ADCY9: variants seen among roughly 807,000 people sequenced by gnomAD.
ADCY9 encodes the protein adenylate cyclase type 9.
Under a neutral mutation model 101.5 loss-of-function variants are expected in ADCY9, and 50 were observed. The observed-to-expected ratio is 0.49, with a 90% CI of 0.39 to 0.62. The LOEUF (loss-of-function observed/expected upper bound fraction) is 0.62, where lower values mean the gene tolerates loss of function less well. Ranked by LOEUF, ADCY9 falls within the 20% of genes least tolerant of loss-of-function variation. The pLI, the probability that ADCY9 is intolerant of heterozygous loss-of-function variation, is 0.00. For missense variants in ADCY9, 1,662 were observed against 1,800.4 expected (o/e 0.92, Z 1.39); for synonymous variants, 905 against 769.3 (o/e 1.18, Z -2.92).
chr16:4,070,750 A>G (rs1162251125), intron 2 of ADCY9, among the ~76,000 whole-genome samples: 1 of 151,712 alleles, frequency 6.6e-6, no homozygotes, highest in Non-Finnish European at 1.5e-5. Flanking sequence ...GTTCCAGACC[A>G]GCCTGAGTAA....
At chr16:3,974,207 A>C (rs1351619110) in intron 10 of ADCY9, among the ~76,000 whole-genome samples, 3 of 152,064 alleles carry the variant, frequency 2.0e-5, no homozygotes, top group Non-Finnish European at 2.9e-5. Context: ...ATGCCCAGCT[A>C]ATTTTTTGTA....
At chr16:4,088,191 A>C (rs776010735) in intron 2 of ADCY9, among the ~76,000 whole-genome samples, 1 of 152,082 alleles carries the variant, frequency 6.6e-6, no homozygotes, top group Non-Finnish European at 1.5e-5. Context: ...AAGTAACTTA[A>C]TACACTGGCA....
intron 3 of ADCY9, among the ~76,000 whole-genome samples, chr16:4,001,546 C>T (rs574760924): frequency 2.6e-5 from 4 of 152,096 alleles, no homozygotes; most frequent in East Asian, 1.9e-4. Flanking sequence ...ATTCCTACCC[C>T]GCCCCCCACC....
At chr16:4,025,066 AG>A (rs2056504979) in intron 2 of ADCY9, among the ~76,000 whole-genome samples, 1 of 145,746 alleles carries the variant, frequency 6.9e-6, no homozygotes, top group Admixed American at 6.8e-5. Flanking sequence ...GGAGGGACAA[AG>A]GGGTAGGGAG....
chr16:4,057,737 C>T (rs1421365747), intron 2 of ADCY9, among the ~76,000 whole-genome samples: 3 of 152,116 alleles, frequency 2.0e-5, no homozygotes, highest in Non-Finnish European at 2.9e-5. Context: ...CACCAGGAAG[C>T]GGAGGCCCGG....
rs74003485 is a variant in ADCY9, at chr16:3,977,535, G to A, written c.2775C>T (p.Thr925=). 3.6e-3 allele frequency: 5,709 copies of A among 1,600,540 alleles called. 18 individuals are homozygous for A. Among genetic ancestry groups the A allele is most frequent in the East Asian group, 7.1e-3 (314 of 44,340 alleles). The stretch of plus-strand genomic sequence containing the variant: ...GGAGCAGCGGCCCGGCCCCCACGAC[G>A]GTGGCGAGGGAGGACCTCATCCAGG... The part of the protein sequence containing the change: ...LSSWMRSSLA[T]VVGAGPLLLL... Residue 925 remains threonine, a synonymous_variant, in exon 9 of 11, where the codon ACC becomes ACT. Coordinates refer to ENST00000294016, the MANE Select transcript of ADCY9 (RefSeq NM_001116.4).
At chr16:4,033,605 T>C (rs76956081) in intron 2 of ADCY9, among the ~76,000 whole-genome samples, 7,633 of 152,028 alleles carry the variant, frequency 0.05, 426 homozygotes, top group African/African-American at 0.14. Flanking sequence ...TTAGTAGAGA[T>C]AGGGTTTCAC....
chr16:3,982,348 C>T (rs1041050646), intron 7 of ADCY9: 27 of 152,314 alleles, frequency 1.8e-4, no homozygotes, highest in African/African-American at 4.6e-4. Context: ...TCAGGGCTGC[C>T]TCCCCATGTC....
At chr16:4,020,274 C>T (rs574181498) in intron 2 of ADCY9, among the ~76,000 whole-genome samples, 1 of 152,118 alleles carries the variant, frequency 6.6e-6, no homozygotes, top group South Asian at 2.1e-4. Flanking sequence ...ATGAGGCTGG[C>T]AGCTATGTAG....
Position 3,965,989 on chromosome 16 carries a change from G to C in ADCY9, c.3848C>G (p.Pro1283Arg). 6.2e-7 allele frequency: 1 copy of C among 1,614,196 alleles called. No homozygotes were observed. Among genetic ancestry groups the C allele is most frequent in the Non-Finnish European group, 8.5e-7 (1 of 1,180,050 alleles). ...SPTDEIANLV[P>R]SVQYVDKTSL... Reference sequence around the variant, plus strand: ...TGTCTTGTCCACATACTGGACAGAAGGCACCAGGTTGGCAATCTCGTCTGT... The same window carrying C: ...TGTCTTGTCCACATACTGGACAGAACGCACCAGGTTGGCAATCTCGTCTGT... The change falls in exon 11 of 11, where the codon CCT becomes CGT. Residue 1283 changes from proline to arginine, a missense_variant. Pro to Arg is a moderately radical substitution (Grantham distance 103, BLOSUM62 -2). This residue lies in a region of ADCY9 where 168 missense variants were observed against 155.3 expected (regional missense o/e 1.08). Coordinates refer to ENST00000294016, the MANE Select transcript of ADCY9 (RefSeq NM_001116.4).
At chr16:4,104,449 C>G (rs1288369938) in intron 2 of ADCY9, among the ~76,000 whole-genome samples, 2 of 152,022 alleles carry the variant, frequency 1.3e-5, no homozygotes, top group African/African-American at 4.8e-5. Flanking sequence ...GAAACTACCA[C>G]TCAAAATAAA....
At chr16:4,034,220 C>T (rs1174587310) in intron 2 of ADCY9, among the ~76,000 whole-genome samples, 1 of 152,160 alleles carries the variant, frequency 6.6e-6, no homozygotes, top group Non-Finnish European at 1.5e-5. Flanking sequence ...CCAACTTAGC[C>T]AAGGTGACGC....
chr16:4,028,745 C>G (rs1157914129), intron 2 of ADCY9, among the ~76,000 whole-genome samples: 1 of 151,978 alleles, frequency 6.6e-6, no homozygotes, highest in Non-Finnish European at 1.5e-5. Flanking sequence ...GTAAAACTGT[C>G]TTTAATAAAA....
At chr16:4,012,805 G>C (rs1056332599) in intron 2 of ADCY9, among the ~76,000 whole-genome samples, 1 of 152,180 alleles carries the variant, frequency 6.6e-6, no homozygotes, top group African/African-American at 2.4e-5. Flanking sequence ...CCCAAGTATA[G>C]GAAGAGTGAC....
At chr16:4,001,262 C>G (rs906387111) in intron 3 of ADCY9, among the ~76,000 whole-genome samples, 3 of 152,180 alleles carry the variant, frequency 2.0e-5, no homozygotes, top group Non-Finnish European at 4.4e-5. Context: ...TGCTCACCCC[C>G]AGCCTATGGG....
rs150158410 is a variant in ADCY9, at chr16:4,042,017, G to A, written c.1694-34459C>T. On this transcript the variant is annotated intron_variant, in intron 2 of 10. Transcript: ENST00000294016. ...CGACTCACTGCAACCTCTGCCTCCCGGGTTCAAGCAGATCTCCTGCCTCAT... is the reference window on the plus strand; with the variant it reads ...CGACTCACTGCAACCTCTGCCTCCCAGGTTCAAGCAGATCTCCTGCCTCAT... Among the ~76,000 whole-genome samples the A allele has an allele frequency of 4.0e-3, 566 of 139,930 alleles. 2 individuals carry two copies. The highest frequency in any genetic ancestry group is 0.013 in the African/African-American group (495 of 37,450). The allele number at this position is 139,930 out of a possible 152,430, so 91.8% of individuals were successfully genotyped here.
chr16:4,051,299 G>A (rs2892143), intron 2 of ADCY9, among the ~76,000 whole-genome samples: 11,618 of 151,930 alleles, frequency 0.076, 1,491 homozygotes, highest in African/African-American at 0.26. Context: ...GCTGAGGCAG[G>A]CAGATCACGA....
chr16:3,975,981 T>C (rs1017358176), intron 9 of ADCY9, among the ~76,000 whole-genome samples: 3 of 152,152 alleles, frequency 2.0e-5, no homozygotes, highest in Admixed American at 6.6e-5. Flanking sequence ...ATAGGCAATT[T>C]TGAGACTTAT....
At chr16:4,035,061 CA>C (rs1173121087) in intron 2 of ADCY9, among the ~76,000 whole-genome samples, 1 of 152,240 alleles carries the variant, frequency 6.6e-6, no homozygotes, top group Non-Finnish European at 1.5e-5. Flanking sequence ...GTCTTCTAGA[CA>C]AGCCAAATAT....
Sources: allele counts gnomAD v4.1 joint callset (sites outside exome capture counted in the v4.1 genomes callset), GRCh38; gene constraint gnomAD v4.1.1; regional missense constraint gnomAD v4.1.1; transcripts MANE v1.5; gene names NCBI Gene and HGNC (gene_info 2026-07-23, HGNC 2026-07-21).